Variants in DIP2C observed in about 807,000 individuals in gnomAD.
DIP2C encodes the protein disco-interacting protein 2 homolog C.
A neutral mutation model predicts 192.4 loss-of-function variants in DIP2C; 33 were observed. The ratio of observed to expected loss-of-function variants is 0.17; its 90% confidence interval spans 0.13 to 0.23. The LOEUF (loss-of-function observed/expected upper bound fraction) is 0.23, where lower values mean the gene tolerates loss of function less well. Among genes scored for constraint, DIP2C ranks in the 10% least tolerant of loss-of-function variants. The pLI is 1.00. For synonymous variants in DIP2C, 979 were observed against 864.1 expected (o/e 1.13, Z -2.33); for missense variants, 1,537 against 2,110.1 (o/e 0.73, Z 5.32).
intron 3 of DIP2C, 91 bp downstream of exon 3, chr10:472,348 T>C (rs572112659): frequency 2.5e-4 from 304 of 1,231,174 alleles, no homozygotes; most frequent in Non-Finnish European, 3.3e-4. Flanking sequence ...CCACGCCCAC[T>C]GCACTTCTGC....
intron 1 of DIP2C, among the ~76,000 whole-genome samples, chr10:510,608 C>T (rs1292778170): frequency 2.6e-5 from 4 of 152,166 alleles, no homozygotes; most frequent in African/African-American, 4.8e-5. Flanking sequence ...ATTTTAACAG[C>T]GAAGACAGCA....
Position 584,764 on chromosome 10 carries a change from C to A in DIP2C, c.86-98234G>T, listed in dbSNP as rs557290364. Among the ~76,000 whole-genome samples the A allele has an allele frequency of 1.7e-5, 2 of 117,604 alleles. 1 individual carries two copies. The highest frequency in any genetic ancestry group is 1.8e-4 in the Admixed American group (2 of 11,078). 77.2% of individuals were successfully genotyped at this position (117,604 alleles called of 152,430 possible). ...ACCTCTCAGATAATCTCGGGGCCCA[C>A]AACCTGGCCCCCACTCACGCGTATC... On this transcript the variant is annotated intron_variant, in intron 1 of 36. Transcript: ENST00000280886.
intron 3 of DIP2C, among the ~76,000 whole-genome samples, chr10:460,879 G>A (rs1969718275): frequency 6.6e-6 from 1 of 152,216 alleles, no homozygotes; most frequent in Non-Finnish European, 1.5e-5. Flanking sequence ...CGACATGCCA[G>A]AAGAGAGTGG....
At chr10:626,420 C>T (rs1404661714) in intron 1 of DIP2C, among the ~76,000 whole-genome samples, 3 of 149,156 alleles carry the variant, frequency 2.0e-5, no homozygotes, top group African/African-American at 5.2e-5. Flanking sequence ...CCCTCCATCC[C>T]CCATCCTCGG....
At chr10:374,299 G>C (rs574152818) in intron 17 of DIP2C, among the ~76,000 whole-genome samples, 6 of 152,226 alleles carry the variant, frequency 3.9e-5, no homozygotes, top group Admixed American at 1.3e-4. Flanking sequence ...AAATTTTTAA[G>C]AAGACCTAAA....
chr10:286,147 A>G, intron 34 of DIP2C, 126 bp downstream of exon 34: 3 of 848,270 alleles, frequency 3.5e-6, no homozygotes, highest in South Asian at 3.3e-5. Flanking sequence ...CCAGGCAATC[A>G]TAACTCACTC....
chr10:678,646 CCG>C, intron 1 of DIP2C, among the ~76,000 whole-genome samples: 1 of 70,644 alleles, frequency 1.4e-5, no homozygotes, highest in Non-Finnish European at 3.4e-5. Flanking sequence ...TCCATGCTCC[CCG>C]CACCTGTCCT....
intron 1 of DIP2C, among the ~76,000 whole-genome samples, chr10:688,927 C>A (rs1303814492): frequency 5.9e-5 from 9 of 152,054 alleles, no homozygotes; most frequent in African/African-American, 1.2e-4. Context: ...GACCGCTGCA[C>A]GGCCTGAGCC....
At chr10:619,537 G>GCCCGCCCGCCCGCCCGCCCT (rs1554757178) in intron 1 of DIP2C, among the ~76,000 whole-genome samples, 2 of 51,386 alleles carry the variant, frequency 3.9e-5, no homozygotes, top group East Asian at 8.6e-4. Context: ...AAGCCCGCCC[G>GCCCGCCCGCCCGCCCGCCCT]CCCGCCCTCC....
At chr10:540,374 G>A (rs1033799894) in intron 1 of DIP2C, among the ~76,000 whole-genome samples, 9 of 152,246 alleles carry the variant, frequency 5.9e-5, no homozygotes, top group Admixed American at 3.9e-4. Flanking sequence ...GCCCGGCCCA[G>A]CACTTCCTGA....
At chr10:379,908 G>C (rs576576396) in intron 17 of DIP2C, among the ~76,000 whole-genome samples, 2 of 151,338 alleles carry the variant, frequency 1.3e-5, no homozygotes, top group Non-Finnish European at 2.9e-5. Flanking sequence ...GCTGTCCCTG[G>C]ATGATGGTTA....
chr10:431,956 G>A (rs956650088), intron 4 of DIP2C, among the ~76,000 whole-genome samples: 1 of 152,184 alleles, frequency 6.6e-6, no homozygotes, highest in Non-Finnish European at 1.5e-5. Flanking sequence ...TTTATTATGA[G>A]TGTTAGATTT....
chr10:390,760 C>T lies in DIP2C; in HGVS notation c.1364G>A (p.Gly455Glu), dbSNP rs552152815. The change falls in exon 11 of 37, where the codon GGA becomes GAA. Residue 455 changes from glycine (G) to glutamate (E), a missense_variant. This residue lies in a region of DIP2C where 677 missense variants were observed against 989.9 expected (regional missense o/e 0.68). Transcript: ENST00000280886. ...CHKGLPKSPT[G>E]EIPQFKGWPK... The stretch of plus-strand genomic sequence containing the variant: ...CTTACCTTTAAACTGTGGGATCTCT[C>T]CCGTTGGGCTTTTTGGAAGTCCTTT... The T allele has an allele frequency of 1.9e-5, 31 of 1,614,096 alleles. 1 individual carries two copies. The South Asian group carries it at 3.2e-4, about 17-fold the overall frequency.
intron 29 of DIP2C, chr10:340,815 C>A: frequency 8.7e-6 from 4 of 460,036 alleles, no homozygotes; most frequent in South Asian, 6.2e-5. Flanking sequence ...GCAGTAACAG[C>A]TGGGGTGAAG....
Position 549,469 on chromosome 10 carries a change from G to A in DIP2C, c.86-62939C>T, listed in dbSNP as rs563882138. On this transcript the variant is annotated intron_variant, in intron 1 of 36. Coordinates refer to ENST00000280886, the MANE Select transcript of DIP2C (RefSeq NM_014974.3). ...AGATGTGGCACATGAGAAGGAAGAC[G>A]AGACCAATGAGCTTCACCAACACCC... 4.6e-5 allele frequency among the ~76,000 whole-genome samples: 7 copies of A among 152,258 alleles called. No homozygotes were observed. The South Asian group carries it at 8.3e-4, about 18-fold the overall frequency.
intron 32 of DIP2C, among the ~76,000 whole-genome samples, chr10:291,337 G>A (rs116081154): frequency 0.018 from 2,732 of 152,316 alleles, 65 homozygotes; most frequent in African/African-American, 0.062. Context: ...GGTGTGTTTT[G>A]TATGAAAACA....
At chr10:297,241 T>TACACACACACACACACACAC (rs140637166) in intron 32 of DIP2C, among the ~76,000 whole-genome samples, 48 of 115,550 alleles carry the variant, frequency 4.2e-4, no homozygotes, top group African/African-American at 1.5e-3. Flanking sequence ...CCCCACCACA[T>TACACACACACACACACACAC]ACACACACAC....
intron 1 of DIP2C, among the ~76,000 whole-genome samples, chr10:589,039 A>G (rs1190019671): frequency 6.6e-6 from 1 of 152,112 alleles, no homozygotes; most frequent in Non-Finnish European, 1.5e-5. Context: ...GCAGGGGTGT[A>G]AAAAAATTCA....
intron 1 of DIP2C, among the ~76,000 whole-genome samples, chr10:599,824 C>T (rs185567892): frequency 6.6e-6 from 1 of 152,324 alleles, no homozygotes; most frequent in Admixed American, 6.5e-5. Flanking sequence ...TAAGCATGAA[C>T]AGACTTTCCT....
Sources: gnomAD v4.1 joint callset for allele counts (sites outside exome capture counted in the v4.1 genomes callset) on GRCh38, gnomAD v4.1.1 for gene constraint, gnomAD v4.1.1 regional missense constraint, MANE v1.5 for transcripts, NCBI Gene and HGNC (gene_info 2026-07-23, HGNC 2026-07-21) for gene names.